The following PGBD5 variants were observed in gnomAD, a reference collection of about 807,000 sequenced individuals.
PGBD5 encodes the protein piggyBac transposable element-derived protein 5.
A neutral mutation model predicts 47.9 loss-of-function variants in PGBD5; 14 were observed. The observed-to-expected ratio is 0.29, with a 90% CI of 0.19 to 0.46. The LOEUF is 0.46. Ranked by LOEUF, PGBD5 falls within the 20% of genes least tolerant of loss-of-function variation. The probability of loss-of-function intolerance (pLI) is 1.00; values close to 1 mark genes in which losing one functional copy is unlikely to be tolerated. For missense variants in PGBD5, 635 were observed against 716.0 expected (o/e 0.89, Z 1.29); for synonymous variants, 316 against 306.3 (o/e 1.03, Z -0.33).
intron 5 of PGBD5, among the ~76,000 whole-genome samples, chr1:230,331,164 G>A (rs1284930090): frequency 6.6e-6 from 1 of 152,140 alleles, no homozygotes; most frequent in Non-Finnish European, 1.5e-5. Context: ...TGTACACCCA[G>A]CACTTTGGGA....
intron 1 of PGBD5, among the ~76,000 whole-genome samples, chr1:230,394,334 T>C (rs1656869981): frequency 6.6e-6 from 1 of 151,796 alleles, no homozygotes; most frequent in South Asian, 2.1e-4. Context: ...AGTGGCGGTT[T>C]TCGAGTATGA....
intron 1 of PGBD5, among the ~76,000 whole-genome samples, chr1:230,414,095 ATTG>A (rs1475468686): frequency 6.6e-6 from 1 of 152,172 alleles, no homozygotes; most frequent in Non-Finnish European, 1.5e-5. Flanking sequence ...GATTACGAAC[ATTG>A]GATCACTCTT....
chr1:230,323,531 T>C lies in PGBD5; in HGVS notation c.1469A>G (p.Tyr490Cys). 6.2e-7 allele frequency: 1 copy of C among 1,614,194 alleles called. No homozygotes were observed. Among genetic ancestry groups the C allele is most frequent in the Non-Finnish European group, 8.5e-7 (1 of 1,180,032 alleles). The change falls in exon 7 of 7, where the codon TAC becomes TGC. Residue 490 changes from tyrosine to cysteine, a missense_variant. Tyr to Cys is a radical substitution (Grantham distance 194). Transcript: ENST00000391860. This position sits in a 1 kb window ranked among gnomAD's most constrained non-coding sequence, Gnocchi z 4.1. Reference protein sequence around the residue: ...SIAINNAYILYKMSDAYHVKR... With the variant: ...SIAINNAYILCKMSDAYHVKR... ...CACGTGGTAGGCGTCTGACATTTTGTACAGGATGTAGGCATTGTTGATGGC... is the reference window on the plus strand; with the variant it reads ...CACGTGGTAGGCGTCTGACATTTTGCACAGGATGTAGGCATTGTTGATGGC...
At chr1:230,422,108 A>G (rs1657660979) in intron 1 of PGBD5, among the ~76,000 whole-genome samples, 1 of 152,058 alleles carries the variant, frequency 6.6e-6, no homozygotes, top group Non-Finnish European at 1.5e-5. Context: ...ACATACACAC[A>G]CACAAATATA....
At chr1:230,326,569 C>A (rs1362372243) in intron 5 of PGBD5, among the ~76,000 whole-genome samples, 1 of 152,122 alleles carries the variant, frequency 6.6e-6, no homozygotes, top group South Asian at 2.1e-4. Context: ...AGGGATACTC[C>A]CACCTCAGCC....
chr1:230,390,605 C>T (rs1297905702), intron 1 of PGBD5, among the ~76,000 whole-genome samples: 5 of 152,174 alleles, frequency 3.3e-5, no homozygotes, highest in African/African-American at 1.2e-4. Flanking sequence ...CAAGCCCTGC[C>T]GCCCATCCCT....
intron 1 of PGBD5, among the ~76,000 whole-genome samples, chr1:230,381,093 C>A (rs1181710085): frequency 6.6e-6 from 1 of 152,234 alleles, no homozygotes; most frequent in Non-Finnish European, 1.5e-5. Context: ...CTGCCCTTCT[C>A]CCAGTGAACC....
At chr1:230,349,668 G>T (rs1667531268) in intron 3 of PGBD5, among the ~76,000 whole-genome samples, 1 of 151,462 alleles carries the variant, frequency 6.6e-6, no homozygotes, top group Non-Finnish European at 1.5e-5. Context: ...AAGAATAAAT[G>T]AATGTCCCTT....
intron 1 of PGBD5, among the ~76,000 whole-genome samples, chr1:230,422,152 T>C (rs1657662787): frequency 1.3e-5 from 2 of 151,872 alleles, no homozygotes; most frequent in Non-Finnish European, 2.9e-5. Context: ...CTCTCTTCTA[T>C]GAAGTCTAAC....
In PGBD5 at chr1:230,325,126, T is replaced by C. The variant is rs149007353; in HGVS notation, c.1379+184A>G. ...ACAGAGTACCTGGGCAGAGGACTTC[T>C]AGGTAAAGCCATGTGTGCACAGGCG... On this transcript the variant is annotated intron_variant, in intron 6 of 6. Transcript: ENST00000391860. Among the ~76,000 whole-genome samples the C allele has an allele frequency of 3.9e-3, 597 of 152,288 alleles. 8 individuals are homozygous for C. The East Asian group carries it at 0.052, about 13-fold the overall frequency.
intron 1 of PGBD5, among the ~76,000 whole-genome samples, chr1:230,419,821 T>C (rs1657609580): frequency 6.6e-6 from 1 of 152,144 alleles, no homozygotes; most frequent in Admixed American, 6.6e-5. Context: ...AAATTGAGGA[T>C]GTATATGTAA....
At chr1:230,347,069 G>A (rs1667485329) in intron 3 of PGBD5, among the ~76,000 whole-genome samples, 2 of 152,130 alleles carry the variant, frequency 1.3e-5, no homozygotes, top group South Asian at 4.2e-4. Context: ...AGTATTCTTA[G>A]GCTCTAGAAA....
chr1:230,337,346 G>T, intron 3 of PGBD5, 58 bp from the exon 4 acceptor site: 2 of 1,472,602 alleles, frequency 1.4e-6, no homozygotes, highest in South Asian at 2.5e-5. Context: ...CTGGGAGCCC[G>T]AGTATTCAGC....
chr1:230,327,757 G>A (rs1667146309), intron 5 of PGBD5, among the ~76,000 whole-genome samples: 1 of 152,242 alleles, frequency 6.6e-6, no homozygotes, highest in Non-Finnish European at 1.5e-5. Flanking sequence ...CAGTGCCCAA[G>A]GACTGCCGTC....
At chr1:230,405,283 T>C (rs1030090526) in intron 1 of PGBD5, among the ~76,000 whole-genome samples, 1 of 152,034 alleles carries the variant, frequency 6.6e-6, no homozygotes, top group African/African-American at 2.4e-5. Context: ...GGTCCACTTA[T>C]ACCCGGATTT....
chr1:230,418,542 T>C (rs974476565), intron 1 of PGBD5, among the ~76,000 whole-genome samples: 1 of 152,148 alleles, frequency 6.6e-6, no homozygotes, highest in Non-Finnish European at 1.5e-5. Context: ...CTCTGTCAGC[T>C]TGTACCACAG....
intron 3 of PGBD5, among the ~76,000 whole-genome samples, chr1:230,343,126 A>G (rs1306560946): frequency 1.3e-5 from 2 of 152,148 alleles, no homozygotes; most frequent in African/African-American, 4.8e-5. Flanking sequence ...GCCTCTCACC[A>G]TGACCATGCC....
rs113202442 is a variant in PGBD5 at position 230,425,643 on chromosome 1, C to T, written c.286G>A (p.Ala96Thr). Residue 96 changes from alanine (A) to threonine (T), a missense_variant, in exon 1 of 7, where the codon GCA becomes ACA. Ala to Thr is a moderately conservative substitution (Grantham distance 58, BLOSUM62 0). Transcript: ENST00000391860. The surrounding 1 kb of genome is among the most constrained non-coding windows in gnomAD (Gnocchi z 4.7). Reference protein sequence around the residue: ...EEDEAGAGWSAALRDRPPPRF... With the variant: ...EEDEAGAGWSTALRDRPPPRF... Reference sequence around the variant, plus strand: ...GGGGGCGGGCGGTCCCGCAGCGCTGCGCTCCAGCCCGCGCCGGCCTCGTCC... The same window carrying T: ...GGGGGCGGGCGGTCCCGCAGCGCTGTGCTCCAGCCCGCGCCGGCCTCGTCC... 3 of 1,220,160 alleles carry T rather than the reference C, an allele frequency of 2.5e-6. No individual in the cohort carries two copies. Among genetic ancestry groups the T allele is most frequent in the Non-Finnish European group, 3.1e-6 (3 of 980,662 alleles). The allele number at this position is 1,220,160 out of a possible 1,614,324, so 75.6% of individuals were successfully genotyped here.
rs148845021 is a variant in PGBD5, at chr1:230,377,878, G to A, written c.332-20557C>T. Among the ~76,000 whole-genome samples, 108 of 152,288 alleles carry A rather than the reference G, an allele frequency of 7.1e-4. No individual in the cohort carries two copies. The Middle Eastern group carries it at 0.02, about 29-fold the overall frequency. On this transcript the variant is annotated intron_variant, in intron 1 of 6. Coordinates refer to ENST00000391860, the MANE Select transcript of PGBD5 (RefSeq NM_001258311.2). ...CCTCCCAGTGCAGACATGGTAATCA[G>A]GCTCTTTCTTAAAGACCAGTGAGGC...
Sources: allele counts gnomAD v4.1 joint callset (sites outside exome capture counted in the v4.1 genomes callset), GRCh38; gene constraint gnomAD v4.1.1; non-coding constraint Gnocchi (gnomAD v3.1); transcripts MANE v1.5; gene names NCBI Gene and HGNC (gene_info 2026-07-23, HGNC 2026-07-21).